The following CDYL2 variants were observed in gnomAD, a reference collection of about 807,000 sequenced individuals.
CDYL2 encodes the protein chromodomain Y-like protein 2.
Under a neutral mutation model 49.4 loss-of-function variants are expected in CDYL2, and 23 were observed. The ratio of observed to expected loss-of-function variants is 0.47; its 90% CI spans 0.34 to 0.66. The LOEUF (loss-of-function observed/expected upper bound fraction) is 0.66. Among genes scored for constraint, CDYL2 ranks in the 30% least tolerant of loss-of-function variants. The pLI, the probability that CDYL2 is intolerant of heterozygous loss-of-function variation, is 0.01. For missense variants in CDYL2, 678 were observed against 656.4 expected (o/e 1.03, Z -0.36); for synonymous variants, 360 against 268.8 (o/e 1.34, Z -3.32).
At chr16:80,794,683 C>G (rs1186795410) in intron 1 of CDYL2, among the ~76,000 whole-genome samples, 1 of 138,480 alleles carries the variant, frequency 7.2e-6, no homozygotes, top group South Asian at 2.4e-4. Flanking sequence ...GTGATCTCGG[C>G]TCACTGCAAC....
intron 1 of CDYL2, among the ~76,000 whole-genome samples, chr16:80,754,054 T>C (rs1367505013): frequency 1.3e-5 from 2 of 152,212 alleles, no homozygotes; most frequent in Non-Finnish European, 2.9e-5. Context: ...CTATGCATCA[T>C]CTTATTTAAT....
rs1009333468 is a variant in CDYL2, at chr16:80,604,177, C to G, written c.*211G>C. 2 of 593,714 alleles carry G rather than the reference C, an allele frequency of 3.4e-6. No homozygotes were observed. The highest frequency in any genetic ancestry group is 6.0e-6 in the Non-Finnish European group (2 of 336,064). 36.8% of individuals were successfully genotyped at this position (593,714 alleles called of 1,614,324 possible). A position where few individuals can be genotyped will look rare whatever the true frequency, so the allele number is the denominator to read the frequency against. On this transcript the variant is annotated 3_prime_UTR_variant, in exon 7 of 7. Transcript: ENST00000570137. ...TGGACAGCTCTCTGGCCAGGAAGGG[C>G]AGGGAGGTGGGGGAGGCCAAGTATG...
chr16:80,736,638 T>C (rs1280544759), intron 1 of CDYL2: 2 of 152,186 alleles, frequency 1.3e-5, no homozygotes, highest in East Asian at 1.9e-4. Flanking sequence ...AGGCTGGGTA[T>C]AGTGGCTCAC....
At chr16:80,622,273 T>C (rs1907115720) in intron 3 of CDYL2, among the ~76,000 whole-genome samples, 1 of 152,260 alleles carries the variant, frequency 6.6e-6, no homozygotes, top group East Asian at 1.9e-4. Context: ...CCCTGCAGCC[T>C]TCTTTGAACG....
At chr16:80,625,283 C>A (rs1121652) in intron 3 of CDYL2, among the ~76,000 whole-genome samples, 15,633 of 152,184 alleles carry the variant, frequency 0.1, 2,548 homozygotes, top group African/African-American at 0.35. Flanking sequence ...TCCTTGGTTC[C>A]TGGCCCCTTC....
At position 80,685,106 on chromosome 16, in the gene CDYL2, C is replaced by T. The variant is rs1415776941; in HGVS notation, c.48G>A (p.Arg16=). 1.9e-6 allele frequency: 3 copies of T among 1,612,740 alleles called. No individual in the cohort carries two copies. Among genetic ancestry groups the T allele is most frequent in the Admixed American group, 1.7e-5 (1 of 59,966 alleles). Residue 16 remains arginine (R), a synonymous_variant, in exon 2 of 7, where the codon AGG becomes AGA. Coordinates refer to ENST00000570137, the MANE Select transcript of CDYL2 (RefSeq NM_152342.4). ...LYEVERIVDK[R]KNKKGKWEYL... ...ACTCCCATTTTCCTTTCTTGTTCTT[C>T]CTCTTGTCTACAATCCTTTCAACCT...
intron 1 of CDYL2, among the ~76,000 whole-genome samples, chr16:80,789,155 C>G (rs1430156085): frequency 2.0e-5 from 3 of 151,806 alleles, no homozygotes; most frequent in Non-Finnish European, 4.4e-5. Context: ...GAAAAGGGAA[C>G]ACTCATACAC....
intron 1 of CDYL2, among the ~76,000 whole-genome samples, chr16:80,767,316 G>T (rs1309741590): frequency 1.3e-5 from 2 of 152,128 alleles, no homozygotes; most frequent in African/African-American, 4.8e-5. Flanking sequence ...TCAAAGAAAA[G>T]TTCTCTGAGC....
chr16:80,722,131 G>C (rs959654918), intron 1 of CDYL2, among the ~76,000 whole-genome samples: 1 of 152,076 alleles, frequency 6.6e-6, no homozygotes, highest in Non-Finnish European at 1.5e-5. Flanking sequence ...TCTTTTAAAA[G>C]TACAATGATT....
At chr16:80,664,974 A>ATT (rs541244981) in intron 2 of CDYL2, among the ~76,000 whole-genome samples, 2 of 152,032 alleles carry the variant, frequency 1.3e-5, no homozygotes, top group Non-Finnish European at 2.9e-5. Flanking sequence ...TCATTTCCCC[A>ATT]TTTGTTTGTT....
At chr16:80,640,336 G>A (rs1908027843) in intron 2 of CDYL2, among the ~76,000 whole-genome samples, 1 of 152,146 alleles carries the variant, frequency 6.6e-6, no homozygotes, top group Non-Finnish European at 1.5e-5. Flanking sequence ...GGGCCAGAAG[G>A]GAACCTGCTG....
At position 80,633,259 on chromosome 16, in the gene CDYL2, G is replaced by A. The variant is rs778577419; in HGVS notation, c.617-23C>T. The A allele has an allele frequency of 4.4e-6, 7 of 1,601,120 alleles. No homozygotes were observed. In the African/African-American group the frequency reaches 9.4e-5, roughly 21 times the overall value. On this transcript the variant is annotated intron_variant, in intron 2 of 6. Coordinates refer to ENST00000570137, the MANE Select transcript of CDYL2 (RefSeq NM_152342.4). ...AGCCTTCCAAAACCAGATAAACAAT[G>A]TAAGAAACTGAAATGGACCACGATC...
chr16:80,787,839 A>T (rs1256951015), intron 1 of CDYL2, among the ~76,000 whole-genome samples: 1 of 152,202 alleles, frequency 6.6e-6, no homozygotes, highest in East Asian at 1.9e-4. Context: ...TTTAGTAAAG[A>T]TTAGTAATGT....
intron 3 of CDYL2, among the ~76,000 whole-genome samples, chr16:80,631,065 T>C (rs1907539421): frequency 6.6e-6 from 1 of 152,172 alleles, no homozygotes; most frequent in South Asian, 2.1e-4. Context: ...ATGTCTTCAG[T>C]GGGCCTGGCA....
intron 1 of CDYL2, among the ~76,000 whole-genome samples, chr16:80,718,628 G>A (rs550557556): frequency 2.0e-5 from 3 of 152,348 alleles, no homozygotes; most frequent in Non-Finnish European, 4.4e-5. Flanking sequence ...TATGGAAAAA[G>A]AATGCAGCTG....
chr16:80,778,766 G>A (rs1482381081), intron 1 of CDYL2, among the ~76,000 whole-genome samples: 1 of 151,948 alleles, frequency 6.6e-6, no homozygotes, highest in Non-Finnish European at 1.5e-5. Flanking sequence ...ATAATAAAAT[G>A]TGTTCTAAAA....
chr16:80,639,796 G>C (rs537445378), intron 2 of CDYL2: 5 of 451,340 alleles, frequency 1.1e-5, no homozygotes, highest in Non-Finnish European at 2.2e-5. Flanking sequence ...AAGCACGTTT[G>C]TGCACTGTGG....
chr16:80,646,308 A>C (rs1410604327), intron 2 of CDYL2, among the ~76,000 whole-genome samples: 1 of 152,168 alleles, frequency 6.6e-6, no homozygotes, highest in Non-Finnish European at 1.5e-5. Context: ...CAATAAACTA[A>C]ATCATAACCA....
At chr16:80,792,081 C>G (rs1250136550) in intron 1 of CDYL2, among the ~76,000 whole-genome samples, 2 of 152,182 alleles carry the variant, frequency 1.3e-5, no homozygotes, top group African/African-American at 4.8e-5. Context: ...ACCTTGGGAA[C>G]AGGTGGATGG....
Sources: allele counts gnomAD v4.1 joint callset (sites outside exome capture counted in the v4.1 genomes callset), GRCh38; gene constraint gnomAD v4.1.1; transcripts MANE v1.5; gene names NCBI Gene and HGNC (gene_info 2026-07-23, HGNC 2026-07-21).